Variants in GUCY1A2 observed in about 807,000 individuals in gnomAD.
The protein encoded by GUCY1A2 is guanylate cyclase soluble subunit alpha-2.
A neutral mutation model predicts 63.5 loss-of-function variants in GUCY1A2; 27 were observed. That is an observed-to-expected ratio of 0.43 (90% CI 0.31 to 0.59). GUCY1A2 has a LOEUF of 0.59. GUCY1A2 is among the 20% of genes least tolerant of loss of function. GUCY1A2 has a pLI of 0.11. For synonymous variants in GUCY1A2, 364 were observed against 343.5 expected (o/e 1.06, Z -0.66); for missense variants, 768 against 913.3 (o/e 0.84, Z 2.05).
chr11:106,909,075 T>C (rs1370107182), intron 4 of GUCY1A2, among the ~76,000 whole-genome samples: 1 of 152,014 alleles, frequency 6.6e-6, no homozygotes, highest in Admixed American at 6.6e-5. Flanking sequence ...ATTTCCTAAT[T>C]ACAATTACAG....
rs150899600 is a variant in GUCY1A2 at position 107,004,419 on chromosome 11, T to C, written c.303+13334A>G. ...GGCTCCATAGCAGTTGCTTAATACA[T>C]GTTAATTCTCCTTCTCCCCTCCCCC... On this transcript the variant is annotated intron_variant, in intron 1 of 7. Transcript: ENST00000526355. 2.8e-4 allele frequency among the ~76,000 whole-genome samples: 42 copies of C among 152,322 alleles called. 1 individual carries two copies. The East Asian group carries it at 8.1e-3, about 29-fold the overall frequency.
At chr11:106,768,568 C>A (rs1264564342) in intron 6 of GUCY1A2, among the ~76,000 whole-genome samples, 2 of 152,002 alleles carry the variant, frequency 1.3e-5, no homozygotes, top group Non-Finnish European at 2.9e-5. Context: ...TGCTTATTTT[C>A]TTCATTTACA....
intron 4 of GUCY1A2, among the ~76,000 whole-genome samples, chr11:106,888,072 G>C (rs1229652062): frequency 1.3e-5 from 2 of 152,190 alleles, no homozygotes; most frequent in East Asian, 3.9e-4. Context: ...AGTGGGGGTT[G>C]GGGGAATGAA....
chr11:106,713,656 G>A (rs1020356692), intron 6 of GUCY1A2, among the ~76,000 whole-genome samples: 1 of 151,478 alleles, frequency 6.6e-6, no homozygotes, highest in Non-Finnish European at 1.5e-5. Flanking sequence ...ACAGGCGCCC[G>A]CCACCACGCC....
chr11:106,764,454 G>C (rs994984789), intron 6 of GUCY1A2, among the ~76,000 whole-genome samples: 1 of 152,006 alleles, frequency 6.6e-6, no homozygotes, highest in Non-Finnish European at 1.5e-5. Context: ...ATTTACTCTT[G>C]ACAAAAAGTC....
intron 6 of GUCY1A2, among the ~76,000 whole-genome samples, chr11:106,739,002 T>C (rs1421063202): frequency 1.3e-5 from 2 of 152,214 alleles, no homozygotes; most frequent in African/African-American, 4.8e-5. Flanking sequence ...ATTTTCATGA[T>C]ATTGATTCTT....
Position 106,938,519 on chromosome 11 carries a change from A to T in GUCY1A2, c.1206+941T>A, listed in dbSNP as rs79126764. Among the ~76,000 whole-genome samples the T allele has an allele frequency of 2.6e-4, 40 of 152,310 alleles. No individual in the cohort carries two copies. The East Asian group carries it at 7.7e-3, about 29-fold the overall frequency. ...TCAAATGCTTGGAAACAGGCTAAATAGCCTAAAAGAACTTTATTTACCCTA... is the reference window on the plus strand; with the variant it reads ...TCAAATGCTTGGAAACAGGCTAAATTGCCTAAAAGAACTTTATTTACCCTA... On this transcript the variant is annotated intron_variant, in intron 4 of 7. Coordinates refer to ENST00000526355, the MANE Select transcript of GUCY1A2 (RefSeq NM_000855.3).
intron 1 of GUCY1A2, among the ~76,000 whole-genome samples, chr11:107,002,120 A>G (rs149744556): frequency 6.6e-6 from 1 of 152,252 alleles, no homozygotes; most frequent in East Asian, 1.9e-4. Flanking sequence ...GCTTGATGAA[A>G]TTGATTAAAA....
At chr11:106,921,162 C>G (rs1475037247) in intron 4 of GUCY1A2, among the ~76,000 whole-genome samples, 2 of 152,030 alleles carry the variant, frequency 1.3e-5, no homozygotes, top group African/African-American at 4.8e-5. Context: ...GCATGGAAGT[C>G]ACCTATTTTT....
chr11:106,868,451 A>G, intron 4 of GUCY1A2, among the ~76,000 whole-genome samples: 1 of 152,096 alleles, frequency 6.6e-6, no homozygotes, highest in Non-Finnish European at 1.5e-5. Flanking sequence ...AAGCATGCTT[A>G]CACACCAATA....
chr11:106,954,464 A>G (rs1411522171), intron 3 of GUCY1A2, among the ~76,000 whole-genome samples: 1 of 152,192 alleles, frequency 6.6e-6, no homozygotes, highest in African/African-American at 2.4e-5. Context: ...CATGTGGCAC[A>G]GGAGAAGGAC....
chr11:106,776,548 G>T lies in GUCY1A2; in HGVS notation c.1727C>A (p.Ala576Glu). The change falls in exon 6 of 8, where the codon GCA becomes GAA. Residue 576 changes from alanine to glutamate, a missense_variant. By Grantham distance (107) the Ala-to-Glu change is moderately radical. Around this residue, in one of 3 missense-constraint regions of GUCY1A2, gnomAD observed 122 missense variants for 238.1 expected, o/e 0.51. Coordinates refer to ENST00000526355, the MANE Select transcript of GUCY1A2 (RefSeq NM_000855.3). ...GCAGAGGCTTTTTCTGTGGAGCCCTGCTGCAACACAGTAGGCATCACCTAT... is the reference window on the plus strand; with the variant it reads ...GCAGAGGCTTTTTCTGTGGAGCCCTTCTGCAACACAGTAGGCATCACCTAT... ...ETIGDAYCVA[A>E]GLHRKSLCHA... 1 of 1,612,768 alleles carries T rather than the reference G, an allele frequency of 6.2e-7. No individual in the cohort carries two copies. The highest frequency in any genetic ancestry group is 2.2e-5 in the East Asian group (1 of 44,864).
intron 6 of GUCY1A2, among the ~76,000 whole-genome samples, chr11:106,724,937 AT>A (rs1565269936): frequency 6.6e-6 from 1 of 152,198 alleles, no homozygotes; most frequent in South Asian, 2.1e-4. Context: ...ATCTCCAAGT[AT>A]ACAGACACCT....
In GUCY1A2 at chr11:106,828,372, G is replaced by T. The variant is rs558124654; in HGVS notation, c.1207-17894C>A. On this transcript the variant is annotated intron_variant, in intron 4 of 7. Coordinates refer to ENST00000526355, the MANE Select transcript of GUCY1A2 (RefSeq NM_000855.3). ...TGTGATCCATCTTGAGTTGATTTTT[G>T]ATTATGATGAGAGATAGGAGTTCAG... is the stretch of plus-strand genomic sequence containing the variant. Among the ~76,000 whole-genome samples the T allele has an allele frequency of 1.4e-3, 217 of 151,924 alleles. 1 individual carries two copies. The highest frequency in any genetic ancestry group is 1.8e-3 in the Non-Finnish European group (124 of 67,952).
intron 7 of GUCY1A2, among the ~76,000 whole-genome samples, chr11:106,706,239 G>T (rs1862907672): frequency 6.6e-6 from 1 of 152,222 alleles, no homozygotes; most frequent in East Asian, 1.9e-4. Context: ...ATGTAATTCA[G>T]GGATAAAATA....
At chr11:106,752,054 C>T (rs1422688876) in intron 6 of GUCY1A2, among the ~76,000 whole-genome samples, 2 of 152,110 alleles carry the variant, frequency 1.3e-5, no homozygotes, top group African/African-American at 4.8e-5. Context: ...TTGCAAGTTA[C>T]AATATGTTAA....
Position 106,680,237 on chromosome 11 carries a change from C to T in GUCY1A2, c.*7312G>A. 1 of 211,118 alleles carries T rather than the reference C, an allele frequency of 4.7e-6. No individual in the cohort carries two copies. The highest frequency in any genetic ancestry group is 1.9e-4 in the South Asian group (1 of 5,338). 13.1% of individuals were successfully genotyped at this position (211,118 alleles called of 1,614,324 possible). Reference sequence around the variant, plus strand: ...CTTCAGAAAGTGAGGTATGAAGAAACAATTTTGCACATTCCTGATTTTATT... The same window carrying T: ...CTTCAGAAAGTGAGGTATGAAGAAATAATTTTGCACATTCCTGATTTTATT... On this transcript the variant is annotated 3_prime_UTR_variant, in exon 8 of 8. Transcript: ENST00000526355.
intron 5 of GUCY1A2, among the ~76,000 whole-genome samples, chr11:106,806,922 C>G (rs1858697019): frequency 6.6e-6 from 1 of 152,110 alleles, no homozygotes; most frequent in Non-Finnish European, 1.5e-5. Flanking sequence ...TATCATCTGC[C>G]TGATGATAGG....
At chr11:106,865,567 G>A (rs143697204) in intron 4 of GUCY1A2, among the ~76,000 whole-genome samples, 2,021 of 151,996 alleles carry the variant, frequency 0.013, 44 homozygotes, top group African/African-American at 0.046. Context: ...ACCAAACACC[G>A]CATGTTCTCA....
Sources: allele counts gnomAD v4.1 joint callset (sites outside exome capture counted in the v4.1 genomes callset), GRCh38; gene constraint gnomAD v4.1.1; regional missense constraint gnomAD v4.1.1; transcripts MANE v1.5; gene names NCBI Gene and HGNC (gene_info 2026-07-23, HGNC 2026-07-21).